Variants in NALF1 observed in about 807,000 individuals in gnomAD.
NALF1 encodes family with sequence similarity 155 member A.
A neutral mutation model predicts 48.4 loss-of-function variants in NALF1; 3 were observed. That is an observed-to-expected ratio of 0.06 (90% CI 0.03 to 0.16). The LOEUF is 0.16. Among genes scored for constraint, NALF1 ranks in the 10% least tolerant of loss-of-function variants. The pLI is 1.00. For synonymous variants in NALF1, 262 were observed against 245.7 expected, an observed-to-expected ratio of 1.07 and a Z score of -0.62; for missense variants, 526 against 571.5, an observed-to-expected ratio of 0.92 and a Z score of 0.81.
chr13:107,381,788 C>T (rs1048057084), intron 1 of NALF1, among the ~76,000 whole-genome samples: 3 of 152,142 alleles, frequency 2.0e-5, no homozygotes, highest in Non-Finnish European at 4.4e-5. Context: ...AATACTGTGT[C>T]GCTACCACTC....
intron 1 of NALF1, among the ~76,000 whole-genome samples, chr13:107,414,554 C>T (rs9301221): frequency 0.2 from 30,731 of 150,566 alleles, 3,569 homozygotes; most frequent in Middle Eastern, 0.26. Flanking sequence ...TATAGTCAGC[C>T]TCATCATTGC....
chr13:107,731,635 T>C (rs912402649), intron 1 of NALF1, among the ~76,000 whole-genome samples: 2 of 152,162 alleles, frequency 1.3e-5, no homozygotes, highest in Admixed American at 1.3e-4. Context: ...CTCCCACTTA[T>C]AAGTGAGAAC....
At chr13:107,687,477 A>G (rs1446352019) in intron 1 of NALF1, among the ~76,000 whole-genome samples, 2 of 135,060 alleles carry the variant, frequency 1.5e-5, no homozygotes, top group South Asian at 5.2e-4. Flanking sequence ...AAAAAAAAAA[A>G]GAAAGAAATT....
rs189541534 is a variant in NALF1, at chr13:107,316,166, C to A, written c.916-105411G>T. Among the ~76,000 whole-genome samples, 669 of 151,936 alleles carry A rather than the reference C, an allele frequency of 4.4e-3. 5 individuals are homozygous for A. Among genetic ancestry groups the A allele is most frequent in the African/African-American group, 0.015 (636 of 41,454 alleles). On this transcript the variant is annotated intron_variant, in intron 1 of 2. Coordinates refer to ENST00000375915, the MANE Select transcript of NALF1 (RefSeq NM_001080396.3). ...TGCAGTGTTTGGTTTTTTGACCTTG[C>A]GATAGTTTGCTGAGAATGATGGTTT...
At chr13:107,685,956 T>C (rs1881423451) in intron 1 of NALF1, among the ~76,000 whole-genome samples, 1 of 152,200 alleles carries the variant, frequency 6.6e-6, no homozygotes, top group Non-Finnish European at 1.5e-5. Context: ...AAGGGCAGAA[T>C]ATAACAAACA....
At chr13:107,539,507 T>C (rs957253217) in intron 1 of NALF1, among the ~76,000 whole-genome samples, 5 of 152,168 alleles carry the variant, frequency 3.3e-5, no homozygotes, top group African/African-American at 1.2e-4. Context: ...TTCAAACACC[T>C]TCAGCATAGG....
intron 1 of NALF1, among the ~76,000 whole-genome samples, chr13:107,570,163 T>C (rs1039302806): frequency 2.7e-5 from 4 of 149,830 alleles, no homozygotes; most frequent in Admixed American, 2.0e-4. Flanking sequence ...TACTTCTTCC[T>C]TTCCAATGTA....
At chr13:107,761,275 T>C (rs1285582724) in intron 1 of NALF1, among the ~76,000 whole-genome samples, 2 of 151,396 alleles carry the variant, frequency 1.3e-5, no homozygotes, top group South Asian at 2.1e-4. Flanking sequence ...AAGAATGGCG[T>C]GAACGCAGGA....
intron 1 of NALF1, among the ~76,000 whole-genome samples, chr13:107,537,373 C>G: frequency 6.6e-6 from 1 of 152,174 alleles, no homozygotes; most frequent in Middle Eastern, 3.4e-3. Context: ...TTTAGCTTTA[C>G]TAATATAACT....
chr13:107,736,658 T>C (rs1023603837), intron 1 of NALF1, among the ~76,000 whole-genome samples: 2 of 152,198 alleles, frequency 1.3e-5, no homozygotes, highest in Non-Finnish European at 2.9e-5. Context: ...AAATGGTCTC[T>C]TCTTTTCAGC....
rs77413370 is a variant in NALF1, at chr13:107,563,699, G to A, written c.915+301983C>T. Among the ~76,000 whole-genome samples the A allele has an allele frequency of 2.3e-3, 348 of 152,288 alleles. 10 individuals are homozygous for A. Among genetic ancestry groups the A allele is most frequent in the Admixed American group, 0.021 (326 of 15,290 alleles). Reference sequence around the variant, plus strand: ...CATTGCAGCTAAATAGCCCTGTGCAGTTACAAGGAAATCAAAAGAAAACAT... The same window carrying A: ...CATTGCAGCTAAATAGCCCTGTGCAATTACAAGGAAATCAAAAGAAAACAT... On this transcript the variant is annotated intron_variant, in intron 1 of 2. Transcript: ENST00000375915.
chr13:107,578,762 T>A (rs1878221905), intron 1 of NALF1, among the ~76,000 whole-genome samples: 1 of 152,194 alleles, frequency 6.6e-6, no homozygotes, highest in South Asian at 2.1e-4. Context: ...AGCATCTGAA[T>A]TTTGGAAGAC....
chr13:107,230,474 C>A (rs562871767), intron 1 of NALF1, among the ~76,000 whole-genome samples: 1 of 151,892 alleles, frequency 6.6e-6, no homozygotes, highest in East Asian at 1.9e-4. Context: ...AATATATTGA[C>A]GTTGTATTTA....
intron 1 of NALF1, among the ~76,000 whole-genome samples, chr13:107,848,407 A>G (rs1880225490): frequency 6.6e-6 from 1 of 152,214 alleles, no homozygotes; most frequent in African/African-American, 2.4e-5. Flanking sequence ...TTCAAGAGGA[A>G]TAGTTTACTA....
intron 1 of NALF1, among the ~76,000 whole-genome samples, chr13:107,827,486 T>A (rs9559168): frequency 0.14 from 21,259 of 152,114 alleles, 1,981 homozygotes; most frequent in East Asian, 0.51. Context: ...ACCCTCTCCT[T>A]GGAGCTAAAT....
At chr13:107,656,850 C>T (rs1880588988) in intron 1 of NALF1, among the ~76,000 whole-genome samples, 1 of 152,068 alleles carries the variant, frequency 6.6e-6, no homozygotes, top group South Asian at 2.1e-4. Flanking sequence ...TAATGGCATT[C>T]GTAGCAACCT....
intron 1 of NALF1, among the ~76,000 whole-genome samples, chr13:107,533,984 C>T (rs1181025824): frequency 6.6e-6 from 1 of 151,930 alleles, no homozygotes; most frequent in Non-Finnish European, 1.5e-5. Context: ...ACCAAATATC[C>T]TGCAAAGAGG....
At chr13:107,372,496 C>A (rs1265257141) in intron 1 of NALF1, among the ~76,000 whole-genome samples, 1 of 152,228 alleles carries the variant, frequency 6.6e-6, no homozygotes, top group African/African-American at 2.4e-5. Flanking sequence ...AGGCACTATA[C>A]TCATTTGCAA....
intron 1 of NALF1, among the ~76,000 whole-genome samples, chr13:107,457,623 A>G (rs1478186649): frequency 6.6e-6 from 1 of 152,210 alleles, no homozygotes; most frequent in East Asian, 1.9e-4. Context: ...AAATTAAAAC[A>G]TATATATGTT....
Sources: gnomAD v4.1 joint callset for allele counts (sites outside exome capture counted in the v4.1 genomes callset) on GRCh38, gnomAD v4.1.1 for gene constraint, MANE v1.5 for transcripts, NCBI Gene and HGNC (gene_info 2026-07-23, HGNC 2026-07-21) for gene names.